The following DLG1 variants were observed in gnomAD, a reference collection of about 807,000 sequenced individuals.
DLG1 encodes disks large homolog 1.
A neutral mutation model predicts 123.4 loss-of-function variants in DLG1; 42 were observed. The observed-to-expected ratio is 0.34, with a 90% CI of 0.27 to 0.44. DLG1 has a LOEUF of 0.44. DLG1 is among the 20% of genes least tolerant of loss of function. The probability of loss-of-function intolerance (pLI) is 1.00; values close to 1 mark genes in which losing one functional copy is unlikely to be tolerated. For synonymous variants in DLG1, 317 were observed against 356.2 expected, an observed-to-expected ratio of 0.89 and a Z score of 1.24; for missense variants, 942 against 1,082.6, an observed-to-expected ratio of 0.87 and a Z score of 1.82.
intron 14 of DLG1, among the ~76,000 whole-genome samples, chr3:197,091,859 T>G (rs1006949249): frequency 2.0e-5 from 3 of 152,152 alleles, no homozygotes; most frequent in Admixed American, 2.0e-4. Flanking sequence ...AAATAACTTC[T>G]CTGGGATTTT....
At chr3:197,079,282 T>C (rs1233048081) in intron 17 of DLG1, among the ~76,000 whole-genome samples, 1 of 152,174 alleles carries the variant, frequency 6.6e-6, no homozygotes, top group Non-Finnish European at 1.5e-5. Context: ...TATTTCAAAA[T>C]AGCCAAATGA....
At chr3:197,140,344 A>C in intron 7 of DLG1, 80 bp from the exon 8 acceptor site, 2 of 1,414,954 alleles carry the variant, frequency 1.4e-6, no homozygotes, top group Non-Finnish European at 2.0e-6. Context: ...GGACGCAGAA[A>C]CTGTACTAAC....
At chr3:197,067,636 C>T (rs1740592665) in intron 19 of DLG1, among the ~76,000 whole-genome samples, 1 of 147,156 alleles carries the variant, frequency 6.8e-6, no homozygotes, top group South Asian at 2.2e-4. Flanking sequence ...CAGCTCACTG[C>T]AGCCTCCAAC....
At chr3:197,085,554 A>G (rs777424808) in intron 16 of DLG1, 26 bp downstream of exon 16, 5 of 1,611,386 alleles carry the variant, frequency 3.1e-6, no homozygotes, top group Non-Finnish European at 4.2e-6. Flanking sequence ...GTTGCCTCAC[A>G]TTCAAGTGGT....
chr3:197,124,337 C>T (rs1579746895), intron 11 of DLG1, among the ~76,000 whole-genome samples: 3 of 151,992 alleles, frequency 2.0e-5, no homozygotes, highest in South Asian at 4.2e-4. Context: ...TACAGTGGCG[C>T]GATCTCAGCT....
At chr3:197,276,351 C>T (rs184658127) in intron 4 of DLG1, among the ~76,000 whole-genome samples, 4 of 152,204 alleles carry the variant, frequency 2.6e-5, no homozygotes, top group African/African-American at 2.4e-5. Flanking sequence ...TCAAACGATA[C>T]GAATATAAAG....
chr3:197,126,564 T>G (rs753424556), intron 11 of DLG1, among the ~76,000 whole-genome samples: 12 of 152,088 alleles, frequency 7.9e-5, no homozygotes, highest in Non-Finnish European at 7.4e-5. Flanking sequence ...AGGCAGCATT[T>G]AAAATAAGAT....
At chr3:197,071,901 T>A (rs1051029547) in intron 18 of DLG1, among the ~76,000 whole-genome samples, 16 of 152,192 alleles carry the variant, frequency 1.1e-4, no homozygotes, top group African/African-American at 3.9e-4. Flanking sequence ...CAAATGTGTA[T>A]CTATACGACC....
chr3:197,156,210 T>C (rs35624335), intron 5 of DLG1, among the ~76,000 whole-genome samples: 36,999 of 152,094 alleles, frequency 0.24, 5,664 homozygotes, highest in East Asian at 0.72. Flanking sequence ...AGGTTTTGTA[T>C]ATTATTGCAG....
intron 4 of DLG1, among the ~76,000 whole-genome samples, chr3:197,207,359 C>T (rs141779082): frequency 3.9e-5 from 6 of 152,192 alleles, no homozygotes; most frequent in African/African-American, 1.2e-4. Flanking sequence ...TCCAAATGTC[C>T]GGCTTTACCA....
chr3:197,155,129 C>T (rs943083609), intron 5 of DLG1, among the ~76,000 whole-genome samples: 5 of 152,122 alleles, frequency 3.3e-5, no homozygotes, highest in Non-Finnish European at 7.4e-5. Context: ...ACACATTATA[C>T]TAGAACTGTC....
At chr3:197,239,871 T>C (rs1175321550) in intron 4 of DLG1, among the ~76,000 whole-genome samples, 1 of 130,716 alleles carries the variant, frequency 7.7e-6, no homozygotes, top group African/African-American at 3.0e-5. Flanking sequence ...TTCTAGCAGA[T>C]GGTGAAAGAA....
chr3:197,133,519 A>G (rs1783674832), intron 10 of DLG1, among the ~76,000 whole-genome samples: 1 of 152,230 alleles, frequency 6.6e-6, no homozygotes, highest in Non-Finnish European at 1.5e-5. Context: ...ACATATCACT[A>G]GATACCTGAC....
chr3:197,097,876 A>G (rs73084530), intron 14 of DLG1, among the ~76,000 whole-genome samples: 2,475 of 152,108 alleles, frequency 0.016, 70 homozygotes, highest in African/African-American at 0.055. Flanking sequence ...CACCGCGCCC[A>G]ACCCTCTTTT....
chr3:197,293,479 T>C (rs1448144115), intron 3 of DLG1, among the ~76,000 whole-genome samples: 2 of 152,128 alleles, frequency 1.3e-5, no homozygotes, highest in East Asian at 1.9e-4. Flanking sequence ...CAATTAAAAA[T>C]GACATATACC....
rs752188815 is a variant in DLG1, at chr3:197,138,327, C to A, written c.778G>T (p.Val260Phe). The A allele has an allele frequency of 4.4e-6, 7 of 1,601,966 alleles. No individual in the cohort carries two copies. Among genetic ancestry groups the A allele is most frequent in the Non-Finnish European group, 8.5e-7 (1 of 1,172,150 alleles). ...DVRDVTHSKA[V>F]EALKEAGSIV... ...GACCCTGCTTCTTTCAACGCTTCAA[C>A]TGCTTTGCTATGTGTTACATCACGA... Residue 260 changes from valine (V) to phenylalanine (F), a missense_variant, in exon 9 of 25, where the codon GTT (valine) becomes TTT (phenylalanine). By Grantham distance (50) the Val-to-Phe change is conservative. Transcript: ENST00000667157.
At chr3:197,125,925 G>A (rs1387360147) in intron 11 of DLG1, among the ~76,000 whole-genome samples, 1 of 152,128 alleles carries the variant, frequency 6.6e-6, no homozygotes, top group African/African-American at 2.4e-5. Flanking sequence ...CTGACAGCAG[G>A]GTGACTGTGC....
chr3:197,263,629 A>T (rs754278210), intron 4 of DLG1, among the ~76,000 whole-genome samples: 8 of 152,116 alleles, frequency 5.3e-5, no homozygotes, highest in Non-Finnish European at 1.0e-4. Flanking sequence ...TCTACTACAA[A>T]TACAAAAATT....
intron 4 of DLG1, among the ~76,000 whole-genome samples, chr3:197,227,542 T>C (rs902996537): frequency 2.0e-5 from 3 of 152,172 alleles, no homozygotes; most frequent in Non-Finnish European, 4.4e-5. Context: ...TATCAATTCA[T>C]ATATTTGTAC....
Sources: allele counts gnomAD v4.1 joint callset (sites outside exome capture counted in the v4.1 genomes callset), GRCh38; gene constraint gnomAD v4.1.1; transcripts MANE v1.5; gene names NCBI Gene and HGNC (gene_info 2026-07-23, HGNC 2026-07-21).